PARVA: variants seen among roughly 807,000 people sequenced by gnomAD.
PARVA encodes the protein parvin alpha.
A neutral mutation model predicts 52.6 loss-of-function variants in PARVA; 25 were observed. The ratio of observed to expected loss-of-function variants is 0.48; its 90% CI spans 0.35 to 0.66. The LOEUF (loss-of-function observed/expected upper bound fraction) is 0.66, where lower values mean the gene tolerates loss of function less well. PARVA is among the 30% of genes least tolerant of loss of function. The pLI, the probability that PARVA is intolerant of heterozygous loss-of-function variation, is 0.01. For missense variants in PARVA, 373 were observed against 450.9 expected, an observed-to-expected ratio of 0.83 and a Z score of 1.56; for synonymous variants, 185 against 179.1, an observed-to-expected ratio of 1.03 and a Z score of -0.26.
chr11:12,425,703 C>T (rs1447903538), intron 1 of PARVA, among the ~76,000 whole-genome samples: 3 of 152,022 alleles, frequency 2.0e-5, no homozygotes, highest in African/African-American at 7.3e-5. Context: ...GTCTAATATC[C>T]CTGTAGGGAT....
At chr11:12,484,027 T>C (rs1941124031) in intron 4 of PARVA, among the ~76,000 whole-genome samples, 1 of 152,152 alleles carries the variant, frequency 6.6e-6, no homozygotes, top group South Asian at 2.1e-4. Context: ...ATACTCTTAC[T>C]CCATGGCATC....
chr11:12,511,463 T>A, intron 7 of PARVA, 51 bp from the exon 8 acceptor site: 1 of 1,596,330 alleles, frequency 6.3e-7, no homozygotes, highest in East Asian at 2.2e-5. Context: ...ACTGGCCTCT[T>A]ATAAGGGACA....
At chr11:12,484,916 A>T (rs901645889) in intron 4 of PARVA, among the ~76,000 whole-genome samples, 11 of 148,790 alleles carry the variant, frequency 7.4e-5, no homozygotes, top group Non-Finnish European at 1.3e-4. Flanking sequence ...TGGGCTCAGG[A>T]GATCTTCCCA....
chr11:12,501,255 C>A, intron 5 of PARVA, among the ~76,000 whole-genome samples: 1 of 151,700 alleles, frequency 6.6e-6, no homozygotes, highest in African/African-American at 2.4e-5. Context: ...ATGCATATAT[C>A]CATAAATGTA....
intron 1 of PARVA, among the ~76,000 whole-genome samples, chr11:12,380,553 C>G (rs1211966601): frequency 1.3e-5 from 2 of 150,952 alleles, no homozygotes; most frequent in South Asian, 2.1e-4. Context: ...GCCATCAGAG[C>G]AAGGGATCTG....
chr11:12,526,650 C>G (rs550882101), intron 12 of PARVA, among the ~76,000 whole-genome samples: 1 of 152,344 alleles, frequency 6.6e-6, no homozygotes, highest in Non-Finnish European at 1.5e-5. Flanking sequence ...TAACCTCTCC[C>G]TTCTCCCTAA....
At chr11:12,390,565 A>AG (rs749865597) in intron 1 of PARVA, among the ~76,000 whole-genome samples, 7 of 152,156 alleles carry the variant, frequency 4.6e-5, no homozygotes, top group Non-Finnish European at 8.8e-5. Context: ...TGAGTAAGTA[A>AG]GGGGCAGAGG....
intron 10 of PARVA, 90 bp from the exon 11 acceptor site, chr11:12,517,520 G>C: frequency 1.0e-6 from 1 of 954,374 alleles, no homozygotes; most frequent in East Asian, 2.6e-5. Context: ...GTAGGCTTCA[G>C]GTGGCATAGC....
intron 1 of PARVA, among the ~76,000 whole-genome samples, chr11:12,458,386 C>A (rs1001493361): frequency 1.3e-5 from 2 of 152,246 alleles, no homozygotes; most frequent in Admixed American, 1.3e-4. Context: ...AGGGACAGGA[C>A]TGACATCCTG....
chr11:12,474,773 C>T (rs1374820258), intron 3 of PARVA, among the ~76,000 whole-genome samples: 3 of 151,886 alleles, frequency 2.0e-5, no homozygotes, highest in South Asian at 2.1e-4. Flanking sequence ...AGTGTGGTGG[C>T]GCATGACTGT....
intron 4 of PARVA, among the ~76,000 whole-genome samples, chr11:12,494,971 A>G (rs1321171031): frequency 6.6e-6 from 1 of 152,208 alleles, no homozygotes; most frequent in Non-Finnish European, 1.5e-5. Context: ...GCAAAGTAAG[A>G]TTAAAATAAC....
chr11:12,430,332 A>G lies in PARVA; in HGVS notation c.137-43413A>G, dbSNP rs527915576. ...TTGCAACTTTGTATTTTAAATTTTAATAATAACTGTATTTAACAACTGGCT... is the reference window on the plus strand; with the variant it reads ...TTGCAACTTTGTATTTTAAATTTTAGTAATAACTGTATTTAACAACTGGCT... On this transcript the variant is annotated intron_variant, in intron 1 of 12. Transcript: ENST00000334956. Among the ~76,000 whole-genome samples, 7 of 152,350 alleles carry G rather than the reference A, an allele frequency of 4.6e-5. No homozygotes were observed. In the East Asian group the frequency reaches 1.3e-3, roughly 29 times the overall value.
chr11:12,503,134 G>A (rs1297757881), intron 5 of PARVA, among the ~76,000 whole-genome samples: 1 of 152,174 alleles, frequency 6.6e-6, no homozygotes, highest in Non-Finnish European at 1.5e-5. Context: ...CCCTGGCTCA[G>A]TAACATCCCG....
intron 10 of PARVA, among the ~76,000 whole-genome samples, chr11:12,516,435 C>G (rs1941569617): frequency 6.6e-6 from 1 of 152,108 alleles, no homozygotes; most frequent in Non-Finnish European, 1.5e-5. Context: ...GTCCATCATC[C>G]CCGGCCTCCA....
At chr11:12,526,480 G>C (rs1310769062) in intron 12 of PARVA, among the ~76,000 whole-genome samples, 1 of 151,960 alleles carries the variant, frequency 6.6e-6, no homozygotes, top group African/African-American at 2.4e-5. Context: ...TTTTTATTGT[G>C]AAAAATATCA....
intron 1 of PARVA, among the ~76,000 whole-genome samples, chr11:12,414,632 A>G (rs911486763): frequency 8.0e-6 from 1 of 124,798 alleles, no homozygotes; most frequent in Admixed American, 7.7e-5. Flanking sequence ...GCTGCTGAAA[A>G]TTTCATTTTT....
intron 1 of PARVA, among the ~76,000 whole-genome samples, chr11:12,387,290 C>G (rs1939586322): frequency 6.6e-6 from 1 of 152,218 alleles, no homozygotes; most frequent in African/African-American, 2.4e-5. Flanking sequence ...AGGAGACCTC[C>G]TCCTGCACAG....
Position 12,492,790 on chromosome 11 carries a change from GC to G in PARVA, c.401-3667del, listed in dbSNP as rs1282077332. Among the ~76,000 whole-genome samples the G allele has an allele frequency of 5.3e-5, 8 of 152,036 alleles. No individual in the cohort carries two copies. In the East Asian group the frequency reaches 1.5e-3, roughly 29 times the overall value. On this transcript the variant is annotated intron_variant, in intron 4 of 12. Transcript: ENST00000334956. ...AACATACAAGGAAAAAATCTGTAAG[GC>G]AATAGCTTTCATGTTTACCAGCAGT... is the stretch of plus-strand genomic sequence containing the variant.
At chr11:12,523,622 G>C (rs1170131471) in intron 12 of PARVA, among the ~76,000 whole-genome samples, 1 of 152,134 alleles carries the variant, frequency 6.6e-6, no homozygotes, top group African/African-American at 2.4e-5. Context: ...TACCTCTGGG[G>C]GGGAGGAGCA....
Sources: allele counts gnomAD v4.1 joint callset (sites outside exome capture counted in the v4.1 genomes callset), GRCh38; gene constraint gnomAD v4.1.1; transcripts MANE v1.5; gene names NCBI Gene and HGNC (gene_info 2026-07-23, HGNC 2026-07-21).